The following GRID2 variants were observed in gnomAD, a reference collection of about 807,000 sequenced individuals.
GRID2 encodes the protein glutamate receptor ionotropic, delta-2.
A neutral mutation model predicts 114.8 loss-of-function variants in GRID2; 33 were observed. That is an observed-to-expected ratio of 0.29 (90% confidence interval 0.22 to 0.38). The LOEUF (loss-of-function observed/expected upper bound fraction) is 0.38, where lower values mean the gene tolerates loss of function less well. GRID2 is among the 10% of genes least tolerant of loss of function. The pLI, the probability that GRID2 is intolerant of heterozygous loss-of-function variation, is 1.00. For missense variants in GRID2, 1,184 were observed against 1,257.7 expected, an observed-to-expected ratio of 0.94 and a Z score of 0.89; for synonymous variants, 505 against 449.9, an observed-to-expected ratio of 1.12 and a Z score of -1.55.
At chr4:93,487,273 T>A (rs1168114690) in intron 11 of GRID2, among the ~76,000 whole-genome samples, 1 of 151,888 alleles carries the variant, frequency 6.6e-6, no homozygotes, top group Non-Finnish European at 1.5e-5. Flanking sequence ...TTGCATTTCT[T>A]ATCTATTTTG....
rs184344375 is a variant in GRID2, at chr4:93,199,966, G to A, written c.736-7438G>A. On this transcript the variant is annotated intron_variant, in intron 4 of 15. Transcript: ENST00000282020. ...CCTTGAGAAGGTTGGAGTTTCGTATGGCCACTGTGTTTCAGACATAGTATT... is the reference window on the plus strand; with the variant it reads ...CCTTGAGAAGGTTGGAGTTTCGTATAGCCACTGTGTTTCAGACATAGTATT... 4.9e-3 allele frequency among the ~76,000 whole-genome samples: 742 copies of A among 152,228 alleles called. 7 individuals carry two copies. The highest frequency in any genetic ancestry group is 0.017 in the African/African-American group (715 of 41,520).
intron 14 of GRID2, among the ~76,000 whole-genome samples, chr4:93,659,983 T>C (rs1050970600): frequency 1.5e-4 from 23 of 152,174 alleles, no homozygotes; most frequent in African/African-American, 5.5e-4. Flanking sequence ...AGCATTGGTA[T>C]GATAATAGTG....
intron 2 of GRID2, among the ~76,000 whole-genome samples, chr4:92,821,395 G>T (rs939831767): frequency 6.6e-6 from 1 of 152,100 alleles, no homozygotes; most frequent in Non-Finnish European, 1.5e-5. Flanking sequence ...TTAAAATGAT[G>T]AAATGTTTCT....
At chr4:93,546,835 A>C (rs577614025) in intron 13 of GRID2, among the ~76,000 whole-genome samples, 70 of 152,300 alleles carry the variant, frequency 4.6e-4, no homozygotes, top group Admixed American at 2.3e-3. Flanking sequence ...TAATATTAAT[A>C]TACTTGGTGA....
At chr4:93,000,515 T>A (rs528889337) in intron 2 of GRID2, among the ~76,000 whole-genome samples, 1 of 151,658 alleles carries the variant, frequency 6.6e-6, no homozygotes, top group Non-Finnish European at 1.5e-5. Context: ...TATGATCAAA[T>A]AAAGGTATCA....
At chr4:93,572,038 C>T (rs1384072772) in intron 13 of GRID2, among the ~76,000 whole-genome samples, 2 of 152,100 alleles carry the variant, frequency 1.3e-5, no homozygotes, top group Non-Finnish European at 2.9e-5. Context: ...AAATGAGAAA[C>T]TGATGGTTGC....
At chr4:92,313,478 A>G (rs775824722) in intron 1 of GRID2, among the ~76,000 whole-genome samples, 6 of 152,020 alleles carry the variant, frequency 3.9e-5, no homozygotes, top group Non-Finnish European at 8.8e-5. Context: ...GGAAAAGTAA[A>G]ATTAAAAGAA....
intron 6 of GRID2, among the ~76,000 whole-genome samples, chr4:93,218,005 T>A (rs1050735636): frequency 2.0e-5 from 3 of 151,906 alleles, no homozygotes; most frequent in Non-Finnish European, 2.9e-5. Flanking sequence ...TAATACTAGA[T>A]AAATAAGGTG....
intron 4 of GRID2, chr4:93,164,685 G>C (rs1221260043): frequency 2.4e-6 from 1 of 421,916 alleles, no homozygotes; most frequent in South Asian, 1.7e-5. Context: ...ATCTAGCTTT[G>C]GGAGAAAAGT....
intron 1 of GRID2, among the ~76,000 whole-genome samples, chr4:92,326,272 A>G (rs535277323): frequency 2.6e-5 from 4 of 152,076 alleles, no homozygotes; most frequent in South Asian, 2.1e-4. Flanking sequence ...AACAATGAGC[A>G]TAAGTACACT....
chr4:93,510,072 T>C (rs568587988), intron 12 of GRID2, among the ~76,000 whole-genome samples: 1 of 152,278 alleles, frequency 6.6e-6, no homozygotes, highest in African/African-American at 2.4e-5. Flanking sequence ...CATATACCCC[T>C]ATTTGTCTCT....
chr4:93,446,350 G>T (rs1232754838), intron 10 of GRID2, among the ~76,000 whole-genome samples: 7 of 151,998 alleles, frequency 4.6e-5, no homozygotes, highest in Admixed American at 4.6e-4. Flanking sequence ...AAAGGATAGG[G>T]AAATAGACTG....
chr4:92,903,831 C>G (rs368306233), intron 2 of GRID2, among the ~76,000 whole-genome samples: 1 of 151,848 alleles, frequency 6.6e-6, no homozygotes, highest in African/African-American at 2.4e-5. Flanking sequence ...ATTTACATAC[C>G]GCACTTCTCT....
At chr4:93,140,018 A>G (rs1735612660) in intron 4 of GRID2, among the ~76,000 whole-genome samples, 1 of 152,182 alleles carries the variant, frequency 6.6e-6, no homozygotes, top group South Asian at 2.1e-4. Context: ...TAAAGTATAA[A>G]CTTGAAATAG....
At chr4:92,558,471 A>G (rs1726968316) in intron 1 of GRID2, among the ~76,000 whole-genome samples, 1 of 152,160 alleles carries the variant, frequency 6.6e-6, no homozygotes, top group South Asian at 2.1e-4. Flanking sequence ...CAGTAAATGC[A>G]AGAAGCTTTT....
chr4:92,634,051 T>C (rs1476342913), intron 2 of GRID2, among the ~76,000 whole-genome samples: 1 of 151,608 alleles, frequency 6.6e-6, no homozygotes, highest in Admixed American at 6.6e-5. Context: ...GTGGGCCACA[T>C]TGGAAGAAGA....
chr4:93,465,307 C>T (rs965193852), intron 11 of GRID2, among the ~76,000 whole-genome samples: 1 of 152,184 alleles, frequency 6.6e-6, no homozygotes, highest in African/African-American at 2.4e-5. Context: ...TCAAATAACT[C>T]ACTTGATCTT....
At chr4:93,697,869 G>GTGTATATATATATA (rs1553986412) in intron 14 of GRID2, among the ~76,000 whole-genome samples, 1 of 122,654 alleles carries the variant, frequency 8.2e-6, no homozygotes, top group Non-Finnish European at 1.7e-5. Flanking sequence ...CACAATGTGT[G>GTGTATATATATATA]TATATATATA....
At chr4:92,734,992 T>C (rs1235094518) in intron 2 of GRID2, among the ~76,000 whole-genome samples, 4 of 151,968 alleles carry the variant, frequency 2.6e-5, no homozygotes, top group African/African-American at 9.7e-5. Context: ...TTGCCCAGGC[T>C]GGTCTTGGAC....
Sources: allele counts gnomAD v4.1 joint callset (sites outside exome capture counted in the v4.1 genomes callset), GRCh38; gene constraint gnomAD v4.1.1; transcripts MANE v1.5; gene names NCBI Gene and HGNC (gene_info 2026-07-23, HGNC 2026-07-21).